Variants in PRKAR1B observed in about 807,000 individuals in gnomAD.
PRKAR1B encodes the protein protein kinase cAMP-dependent type I regulatory subunit beta.
Under a neutral mutation model 46.5 loss-of-function variants are expected in PRKAR1B, and 22 were observed. The ratio of observed to expected loss-of-function variants is 0.47; its 90% CI spans 0.34 to 0.68. The LOEUF (loss-of-function observed/expected upper bound fraction) is 0.68, where lower values mean the gene tolerates loss of function less well. Among genes scored for constraint, PRKAR1B ranks in the 30% least tolerant of loss-of-function variants. The probability of loss-of-function intolerance (pLI) is 0.01; values close to 1 mark genes in which losing one functional copy is unlikely to be tolerated. For synonymous variants in PRKAR1B, 259 were observed against 217.7 expected (o/e 1.19, Z -1.67); for missense variants, 445 against 535.6 (o/e 0.83, Z 1.67).
chr7:726,152 G>T (rs1020075008), intron 1 of PRKAR1B, among the ~76,000 whole-genome samples: 1 of 152,182 alleles, frequency 6.6e-6, no homozygotes, highest in Non-Finnish European at 1.5e-5. Context: ...TTGATAAATT[G>T]GCTCTACCTG....
chr7:710,845 T>A (rs371886065), intron 2 of PRKAR1B, among the ~76,000 whole-genome samples: 1 of 152,058 alleles, frequency 6.6e-6, no homozygotes, highest in Non-Finnish European at 1.5e-5. Context: ...GGTTTCGCCA[T>A]GTTGGCCAGG....
intron 2 of PRKAR1B, among the ~76,000 whole-genome samples, chr7:682,032 A>C (rs901001423): frequency 5.3e-5 from 8 of 151,960 alleles, no homozygotes; most frequent in African/African-American, 1.9e-4. Context: ...GGGTGAATGA[A>C]GTAAGGGGAG....
chr7:630,628 G>A (rs1189498136), intron 4 of PRKAR1B, among the ~76,000 whole-genome samples: 8 of 152,180 alleles, frequency 5.3e-5, no homozygotes, highest in South Asian at 2.1e-4. Context: ...GGCTGGCCCC[G>A]GGGGGATCAA....
At chr7:638,046 G>A (rs895737757) in intron 4 of PRKAR1B, among the ~76,000 whole-genome samples, 15 of 152,308 alleles carry the variant, frequency 9.8e-5, no homozygotes, top group Admixed American at 3.3e-4. Flanking sequence ...CGGAGAAGAC[G>A]CGGGGCAGGA....
chr7:553,188 C>T (rs1013448803), intron 9 of PRKAR1B, among the ~76,000 whole-genome samples: 1 of 152,232 alleles, frequency 6.6e-6, no homozygotes, highest in Non-Finnish European at 1.5e-5. Context: ...AGGAATGTCC[C>T]GCTGACACTA....
In PRKAR1B at chr7:550,121, A is replaced by ACTGG; in HGVS notation, c.*305_*308dup. The ACTGG allele has an allele frequency of 2.6e-6, 1 of 378,026 alleles. No homozygotes were observed. Among genetic ancestry groups the ACTGG allele is most frequent in the Admixed American group, 4.3e-5 (1 of 23,486 alleles). The allele number at this position is 378,026 out of a possible 1,614,324, so 23.4% of individuals were successfully genotyped here. On this transcript the variant is annotated 3_prime_UTR_variant, in exon 11 of 11. Coordinates refer to ENST00000537384, the MANE Select transcript of PRKAR1B (RefSeq NM_001164760.2). The stretch of plus-strand genomic sequence containing the variant: ...ACCGATCCTCAAGCATCTCCAGGAG[A>ACTGG]CTGGCAGGGGTGGGGTGGGCCCCCC...
At chr7:573,630 C>T (rs372815952) in intron 9 of PRKAR1B, among the ~76,000 whole-genome samples, 2 of 152,216 alleles carry the variant, frequency 1.3e-5, no homozygotes, top group African/African-American at 2.4e-5. Flanking sequence ...TCAGCCGTAA[C>T]GGCCTTCAGC....
intron 2 of PRKAR1B, among the ~76,000 whole-genome samples, chr7:683,798 G>C (rs1308156045): frequency 6.6e-6 from 1 of 152,210 alleles, no homozygotes; most frequent in Non-Finnish European, 1.5e-5. Context: ...AGCCTGGAGA[G>C]CTGCTTGTTG....
intron 4 of PRKAR1B, among the ~76,000 whole-genome samples, chr7:650,430 C>T (rs1218011004): frequency 6.7e-6 from 1 of 148,360 alleles, no homozygotes; most frequent in African/African-American, 2.5e-5. Flanking sequence ...AAGGCTCTTT[C>T]CAGCCCTCCA....
intron 9 of PRKAR1B, among the ~76,000 whole-genome samples, chr7:568,662 G>A (rs1383367170): frequency 6.6e-6 from 1 of 152,244 alleles, no homozygotes; most frequent in South Asian, 2.1e-4. Context: ...TGCTGCGGGG[G>A]GTGGACGACC....
Position 602,374 on chromosome 7 carries a change from C to G in PRKAR1B, c.549+3819G>C, listed in dbSNP as rs553436573. On this transcript the variant is annotated intron_variant, in intron 6 of 10. Coordinates refer to ENST00000537384, the MANE Select transcript of PRKAR1B (RefSeq NM_001164760.2). The surrounding 1 kb of genome is among the most constrained non-coding windows in gnomAD (Gnocchi z 6.4). ...GGTCGAGGGGTGGGTGGGGATTCTGCGAGGATGAGGAGGAGGAGGAGGAGG... is the reference window on the plus strand; with the variant it reads ...GGTCGAGGGGTGGGTGGGGATTCTGGGAGGATGAGGAGGAGGAGGAGGAGG... 1.4e-4 allele frequency among the ~76,000 whole-genome samples: 21 copies of G among 152,176 alleles called. No individual in the cohort carries two copies. The East Asian group carries it at 4.1e-3, about 30-fold the overall frequency.
rs368386963 is a variant in PRKAR1B at position 560,504 on chromosome 7, C to T, written c.892-9034G>A. Among the ~76,000 whole-genome samples the T allele has an allele frequency of 2.6e-5, 4 of 152,234 alleles. No individual in the cohort carries two copies. The highest frequency in any genetic ancestry group is 7.2e-5 in the African/African-American group (3 of 41,538). ...CACAGCTGGAAAGGTGTTCAACACACGAGCTTAACCCAGGCTTCCCCCTGA... is the reference window on the plus strand; with the variant it reads ...CACAGCTGGAAAGGTGTTCAACACATGAGCTTAACCCAGGCTTCCCCCTGA... On this transcript the variant is annotated intron_variant, in intron 9 of 10. Transcript: ENST00000537384. This position sits in a 1 kb window ranked among gnomAD's most constrained non-coding sequence, Gnocchi z 4.2.
intron 6 of PRKAR1B, among the ~76,000 whole-genome samples, chr7:599,719 C>T (rs776456913): frequency 2.6e-5 from 4 of 152,256 alleles, no homozygotes; most frequent in Non-Finnish European, 5.9e-5. Context: ...TTCACTCGCT[C>T]ACCCTCTGTG....
At chr7:562,854 TGA>T (rs1472571778) in intron 9 of PRKAR1B, among the ~76,000 whole-genome samples, 1 of 151,802 alleles carries the variant, frequency 6.6e-6, no homozygotes, top group Non-Finnish European at 1.5e-5. Flanking sequence ...CAGGATGTCC[TGA>T]CCCCAGCTGA....
chr7:599,911 G>T lies in PRKAR1B; in HGVS notation c.550-3607C>A, dbSNP rs918420404. Among the ~76,000 whole-genome samples, 5 of 146,630 alleles carry T rather than the reference G, an allele frequency of 3.4e-5. 1 individual carries two copies. The highest frequency in any genetic ancestry group is 6.1e-5 in the Non-Finnish European group (4 of 66,022). The stretch of plus-strand genomic sequence containing the variant: ...TCACCTTCACTCGCTCACCCTCTGT[G>T]TTTAGAAGTCAATGGTGGGACAGGG... On this transcript the variant is annotated intron_variant, in intron 6 of 10. Transcript: ENST00000537384.
intron 9 of PRKAR1B, among the ~76,000 whole-genome samples, chr7:554,715 C>T (rs1451835803): frequency 1.1e-4 from 17 of 149,614 alleles, no homozygotes; most frequent in Non-Finnish European, 4.5e-5. Context: ...GGCCACGGAT[C>T]CCACAGAGCC....
At chr7:559,470 G>A (rs1393958631) in intron 9 of PRKAR1B, among the ~76,000 whole-genome samples, 3 of 152,160 alleles carry the variant, frequency 2.0e-5, no homozygotes, top group Non-Finnish European at 2.9e-5. Flanking sequence ...CCCCATGCCC[G>A]GCAGGAGCCC....
chr7:552,009 A>G (rs78671769), intron 9 of PRKAR1B, among the ~76,000 whole-genome samples: 715 of 24,674 alleles, frequency 0.029, 6 homozygotes, highest in Non-Finnish European at 0.045. Flanking sequence ...CCCACCTCCC[A>G]CCCAGGTCCT....
At chr7:582,535 T>G (rs1210582946) in intron 8 of PRKAR1B, among the ~76,000 whole-genome samples, 1 of 152,248 alleles carries the variant, frequency 6.6e-6, no homozygotes, top group Non-Finnish European at 1.5e-5. Context: ...TGCTGGCTGC[T>G]GCATTAATCA....
Sources: allele counts gnomAD v4.1 joint callset (sites outside exome capture counted in the v4.1 genomes callset), GRCh38; gene constraint gnomAD v4.1.1; non-coding constraint Gnocchi (gnomAD v3.1); transcripts MANE v1.5; gene names NCBI Gene and HGNC (gene_info 2026-07-23, HGNC 2026-07-21).